The following ANKRD18A variants were observed in gnomAD, a reference collection of about 807,000 sequenced individuals.
ANKRD18A encodes ankyrin repeat domain 18A, also known as ankyrin repeat domain-containing protein 18A.
In ANKRD18A, 72 loss-of-function variants were observed where a neutral mutation model predicts 110.6. The observed-to-expected ratio is 0.65, with a 90% CI of 0.54 to 0.79. The LOEUF (loss-of-function observed/expected upper bound fraction) is 0.79. Ranked by LOEUF, ANKRD18A falls within the 30% of genes least tolerant of loss-of-function variation. The pLI is 0.00. For synonymous variants in ANKRD18A, 305 were observed against 410.3 expected (o/e 0.74, Z 3.10); for missense variants, 934 against 1,163.3 (o/e 0.80, Z 2.87).
intron 4 of ANKRD18A, 29 bp downstream of exon 4, chr9:38,611,186 A>C: frequency 3.3e-6 from 5 of 1,522,556 alleles, no homozygotes; most frequent in Non-Finnish European, 3.5e-6. Context: ...TTTAGGAAAA[A>C]AGAAAACAAA....
In ANKRD18A at chr9:38,607,929, G is replaced by A. The variant is rs1825431389; in HGVS notation, c.741-436C>T. Among the ~76,000 whole-genome samples the A allele has an allele frequency of 2.0e-5, 3 of 152,298 alleles. 1 individual carries two copies. In the South Asian group the frequency reaches 6.2e-4, roughly 32 times the overall value. On this transcript the variant is annotated intron_variant, in intron 5 of 15. Transcript: ENST00000399703. ...TTTAAATGTTCAGAGAAATAGTAAAGCAATGGAAAAATTTATTCTTGAACT... is the reference window on the plus strand; with the variant it reads ...TTTAAATGTTCAGAGAAATAGTAAAACAATGGAAAAATTTATTCTTGAACT...
At chr9:38,568,878 C>A, downstream of ANKRD18A, 2 of 985,420 alleles carry the variant, frequency 2.0e-6, no homozygotes, top group Non-Finnish European at 2.4e-6. Flanking sequence ...GGATCTCGCT[C>A]CCCAGCAGGG....
intron 8 of ANKRD18A, among the ~76,000 whole-genome samples, chr9:38,600,859 G>A (rs1184559383): frequency 3.3e-5 from 5 of 152,088 alleles, no homozygotes; most frequent in African/African-American, 1.2e-4. Context: ...TCTTTATCAG[G>A]AAGAAGATTA....
downstream of ANKRD18A, among the ~76,000 whole-genome samples, chr9:38,570,219 TCCCACTGACCTGGTC>T (rs1464094789): frequency 3.3e-5 from 5 of 151,974 alleles, no homozygotes; most frequent in East Asian, 7.8e-4. Context: ...CTGACCAATT[TCCCACTGACCTGGTC>T]CCCACTGACT....
At chr9:38,607,329 T>C (rs1825406330) in intron 6 of ANKRD18A, 97 bp downstream of exon 6, 1 of 1,018,404 alleles carries the variant, frequency 9.8e-7, no homozygotes, top group Admixed American at 3.9e-5. Context: ...AGTGCTGGGA[T>C]TACAGGTGTG....
Position 38,595,968 on chromosome 9 carries a change from T to C in ANKRD18A, c.1372A>G (p.Met458Val). The change falls in exon 9 of 16, where the codon ATG becomes GTG. Residue 458 changes from methionine to valine, a missense_variant. Physicochemically the swap from Met to Val is conservative, Grantham distance 21 (BLOSUM62 1). Coordinates refer to ENST00000399703, the MANE Select transcript of ANKRD18A (RefSeq NM_147195.4). ...GTTAGTTGAGAAATATTAGAACCCA[T>C]TTTTTCATGTCTAGAAACATCATCT... ...RADDVSRHEK[M>V]GSNISQLTDK... 1 of 1,550,058 alleles carries C rather than the reference T, an allele frequency of 6.5e-7. No individual in the cohort carries two copies.
chr9:38,609,355 C>T (rs546473113), intron 5 of ANKRD18A, among the ~76,000 whole-genome samples: 171 of 152,170 alleles, frequency 1.1e-3, no homozygotes, highest in African/African-American at 3.9e-3. Flanking sequence ...GTGGCGGGCG[C>T]CTGTAGTCCC....
At chr9:38,570,420 C>T (rs1199772998), downstream of ANKRD18A, among the ~76,000 whole-genome samples, 1 of 152,106 alleles carries the variant, frequency 6.6e-6, no homozygotes, top group East Asian at 1.9e-4. Flanking sequence ...ACTGAATACA[C>T]CCCACCGACC....
intron 10 of ANKRD18A, among the ~76,000 whole-genome samples, chr9:38,588,903 A>G (rs541620349): frequency 6.6e-6 from 1 of 152,348 alleles, no homozygotes; most frequent in South Asian, 2.1e-4. Context: ...AATGTTTGTT[A>G]AAAATGAGAG....
intron 6 of ANKRD18A, 94 bp downstream of exon 6, chr9:38,607,332 C>CA: frequency 1.9e-6 from 2 of 1,039,020 alleles, no homozygotes; most frequent in Non-Finnish European, 2.6e-6. Context: ...GCTGGGATTA[C>CA]AGGTGTGAGC....
At chr9:38,596,483 C>T in intron 8 of ANKRD18A, 80 bp from the exon 9 acceptor site, 1 of 1,221,094 alleles carries the variant, frequency 8.2e-7, no homozygotes, top group Non-Finnish European at 1.1e-6. Flanking sequence ...AAAGAGCAAT[C>T]TATACATTCA....
rs1049626090 is a variant in ANKRD18A at position 38,620,126 on chromosome 9, G to T, written c.160C>A (p.Leu54Met). 1 of 1,568,172 alleles carries T rather than the reference G, an allele frequency of 6.4e-7. No homozygotes were observed. The highest frequency in any genetic ancestry group is 8.6e-7 in the Non-Finnish European group (1 of 1,156,514). ...KGDAAEVERCLTRRFRDLDAR... is the reference protein window; with the variant it reads ...KGDAAEVERCMTRRFRDLDAR... ...TCCAAGTCCCGGAACCTGCGCGTCA[G>T]GCAGCGCTCCACCTCCGCGGCGTCG... The change falls in exon 1 of 16, where the codon CTG becomes ATG. Residue 54 changes from leucine (L) to methionine (M), a missense_variant. This residue lies in a region of ANKRD18A where 630 missense variants were observed against 797.5 expected (regional missense o/e 0.79). Transcript: ENST00000399703.
chr9:38,603,242 C>T (rs768159736), intron 6 of ANKRD18A, 30 bp from the exon 7 acceptor site: 27 of 1,550,468 alleles, frequency 1.7e-5, no homozygotes, highest in Non-Finnish European at 2.1e-5. Context: ...GTTAGATATT[C>T]CTTCTGGAAA....
At chr9:38,606,028 T>A (rs1340254240) in intron 6 of ANKRD18A, among the ~76,000 whole-genome samples, 1 of 152,206 alleles carries the variant, frequency 6.6e-6, no homozygotes, top group Non-Finnish European at 1.5e-5. Context: ...CAACTTATGG[T>A]GAATAAATTA....
At chr9:38,607,773 C>T (rs908164765) in intron 5 of ANKRD18A, among the ~76,000 whole-genome samples, 33 of 152,242 alleles carry the variant, frequency 2.2e-4, no homozygotes, top group African/African-American at 6.3e-4. Flanking sequence ...AGTAAGTCCT[C>T]GCTCTGTAAC....
In ANKRD18A at chr9:38,575,465, A is replaced by G; in HGVS notation, c.2964+11T>C. The G allele has an allele frequency of 1.3e-6, 2 of 1,545,916 alleles. No individual in the cohort carries two copies. ...AATGAAACCCAAAAGAGAAATGGTC[A>G]TATAACTAACCTCAGTCAAGAAGTT... On this transcript the variant is annotated intron_variant, in intron 15 of 15. Coordinates refer to ENST00000399703, the MANE Select transcript of ANKRD18A (RefSeq NM_147195.4).
At chr9:38,594,574 A>C (rs1824794676) in intron 9 of ANKRD18A, among the ~76,000 whole-genome samples, 1 of 152,226 alleles carries the variant, frequency 6.6e-6, no homozygotes, top group Non-Finnish European at 1.5e-5. Context: ...CATTTATTCC[A>C]AATTGTGATT....
At position 38,611,315 on chromosome 9, in the gene ANKRD18A, T is replaced by C. The variant is rs1405670283; in HGVS notation, c.502A>G (p.Asn168Asp). ...ANIEALNKEG[N>D]TPLLFAINSR... ...TTTATAGCAAACAAAAGTGGAGTGT[T>C]TCCCTCCTGTAAGAAAGCAAAAACA... Residue 168 changes from asparagine (N) to aspartate (D), a missense_variant, in exon 4 of 16, where the codon AAC (asparagine) becomes GAC (aspartate). This residue lies in a region of ANKRD18A where 630 missense variants were observed against 797.5 expected (regional missense o/e 0.79). Transcript: ENST00000399703. 6 of 1,518,380 alleles carry C rather than the reference T, an allele frequency of 4.0e-6. No individual in the cohort carries two copies. The highest frequency in any genetic ancestry group is 4.9e-5 in the East Asian group (2 of 40,556). The allele number at this position is 1,518,380 out of a possible 1,614,324, so 94.1% of individuals were successfully genotyped here.
intron 5 of ANKRD18A, among the ~76,000 whole-genome samples, chr9:38,609,625 G>A (rs1587538146): frequency 6.6e-6 from 1 of 152,078 alleles, no homozygotes; most frequent in Admixed American, 6.5e-5. Context: ...AGTTACAATG[G>A]CAGCAATACA....
Sources: gnomAD v4.1 joint callset for allele counts (sites outside exome capture counted in the v4.1 genomes callset) on GRCh38, gnomAD v4.1.1 for gene constraint, gnomAD v4.1.1 regional missense constraint, MANE v1.5 for transcripts, NCBI Gene and HGNC (gene_info 2026-07-23, HGNC 2026-07-21) for gene names.